CYP39A1: variants seen among roughly 807,000 people sequenced by gnomAD.
CYP39A1 encodes 24-hydroxycholesterol 7-alpha-hydroxylase.
CYP39A1 carries 49 observed loss-of-function variants against 58.1 expected under a neutral mutation model. The ratio of observed to expected loss-of-function variants is 0.84; its 90% CI spans 0.67 to 1.07. The LOEUF is 1.07. CYP39A1 is among the 50% of genes least tolerant of loss of function. The probability of loss-of-function intolerance (pLI) is 0.00; values close to 1 mark genes in which losing one functional copy is unlikely to be tolerated. For synonymous variants in CYP39A1, 209 were observed against 187.6 expected (o/e 1.11, Z -0.93); for missense variants, 531 against 539.4 (o/e 0.98, Z 0.16).
intron 10 of CYP39A1, among the ~76,000 whole-genome samples, chr6:46,567,987 AT>A (rs1057001059): frequency 3.1e-4 from 45 of 146,024 alleles, no homozygotes; most frequent in East Asian, 6.0e-4. Flanking sequence ...CTTATAAGAC[AT>A]TTTTTTTTAA....
At chr6:46,647,456 T>C (rs534870269) in intron 1 of CYP39A1, among the ~76,000 whole-genome samples, 75 of 152,314 alleles carry the variant, frequency 4.9e-4, no homozygotes, top group Non-Finnish European at 8.7e-4. Flanking sequence ...GCAGAAGTTG[T>C]CTAATTTACC....
At chr6:46,577,512 G>C (rs1445585925) in intron 10 of CYP39A1, among the ~76,000 whole-genome samples, 2 of 152,088 alleles carry the variant, frequency 1.3e-5, no homozygotes, top group Non-Finnish European at 2.9e-5. Context: ...AGACCCAACT[G>C]TATTCTGTCT....
chr6:46,564,636 G>A (rs1194146188), intron 10 of CYP39A1, among the ~76,000 whole-genome samples: 1 of 152,130 alleles, frequency 6.6e-6, no homozygotes, highest in African/African-American at 2.4e-5. Flanking sequence ...GCTAGTATTG[G>A]GGAAAATTGA....
intron 10 of CYP39A1, among the ~76,000 whole-genome samples, chr6:46,560,670 GT>G (rs1770926331): frequency 6.6e-6 from 1 of 152,096 alleles, no homozygotes; most frequent in African/African-American, 2.4e-5. Context: ...TTCATTCAGG[GT>G]CAGAGATAGA....
chr6:46,598,339 C>A (rs1007360377), intron 7 of CYP39A1, among the ~76,000 whole-genome samples: 1 of 152,096 alleles, frequency 6.6e-6, no homozygotes, highest in African/African-American at 2.4e-5. Context: ...CAGATTATTT[C>A]CAAGGCAATC....
intron 10 of CYP39A1, among the ~76,000 whole-genome samples, chr6:46,554,679 ACT>A: frequency 6.6e-6 from 1 of 152,102 alleles, no homozygotes; most frequent in Non-Finnish European, 1.5e-5. Flanking sequence ...GTTGTTTTGA[ACT>A]CTCTGCAGGA....
At chr6:46,603,372 G>A (rs1456232084) in intron 7 of CYP39A1, among the ~76,000 whole-genome samples, 1 of 152,210 alleles carries the variant, frequency 6.6e-6, no homozygotes, top group African/African-American at 2.4e-5. Context: ...ACCATTTTCT[G>A]TGGGCTAGAT....
At chr6:46,586,506 T>C in intron 10 of CYP39A1, 1 of 984,934 alleles carries the variant, frequency 1.0e-6, no homozygotes, top group Non-Finnish European at 1.2e-6. Flanking sequence ...CTTGAACAAA[T>C]AAAGATAACA....
chr6:46,610,400 G>A (rs977028283), intron 7 of CYP39A1, among the ~76,000 whole-genome samples: 1 of 152,002 alleles, frequency 6.6e-6, no homozygotes, highest in African/African-American at 2.4e-5. Flanking sequence ...GGAGTGCAGT[G>A]GCACTATCAT....
At chr6:46,641,170 T>C (rs915547679) in intron 2 of CYP39A1, among the ~76,000 whole-genome samples, 1 of 152,062 alleles carries the variant, frequency 6.6e-6, no homozygotes, top group Non-Finnish European at 1.5e-5. Flanking sequence ...AACTCAATCA[T>C]TTCCATACAC....
chr6:46,648,983 A>T (rs553218599), intron 1 of CYP39A1, among the ~76,000 whole-genome samples: 1 of 152,342 alleles, frequency 6.6e-6, no homozygotes, highest in East Asian at 1.9e-4. Flanking sequence ...AGACTGATAT[A>T]ACCAGGCAGT....
intron 7 of CYP39A1, among the ~76,000 whole-genome samples, chr6:46,621,629 T>C (rs1774963646): frequency 6.6e-6 from 1 of 151,988 alleles, no homozygotes; most frequent in Non-Finnish European, 1.5e-5. Context: ...AAATAGATAA[T>C]CTAAATAGAC....
intron 7 of CYP39A1, among the ~76,000 whole-genome samples, chr6:46,616,954 G>A (rs1316242519): frequency 6.6e-6 from 1 of 152,110 alleles, no homozygotes; most frequent in Non-Finnish European, 1.5e-5. Flanking sequence ...AGAGATTGGC[G>A]ATCGATCAAT....
chr6:46,632,684 A>G (rs1775734020), intron 5 of CYP39A1, among the ~76,000 whole-genome samples: 1 of 151,902 alleles, frequency 6.6e-6, no homozygotes, highest in African/African-American at 2.4e-5. Flanking sequence ...ACCATTATGC[A>G]TATGAGGAAA....
intron 8 of CYP39A1, among the ~76,000 whole-genome samples, chr6:46,589,797 G>A (rs772625835): frequency 6.6e-6 from 1 of 152,124 alleles, no homozygotes; most frequent in South Asian, 2.1e-4. Context: ...AGGGTTGGGG[G>A]CAGCACAGGG....
At chr6:46,617,819 G>A (rs1774703638) in intron 7 of CYP39A1, among the ~76,000 whole-genome samples, 2 of 152,094 alleles carry the variant, frequency 1.3e-5, no homozygotes, top group South Asian at 4.1e-4. Context: ...ACTTAAAATA[G>A]GGCCTGCTAC....
rs191390251 is a variant in CYP39A1 at position 46,647,679 on chromosome 6, C to T, written c.177+4727G>A. ...TTGAATATTTTTGCAAAATATCGAA[C>T]TTCAGCCTAGTACACTTTGGGACAC... On this transcript the variant is annotated intron_variant, in intron 1 of 11. Transcript: ENST00000275016. 7.2e-5 allele frequency among the ~76,000 whole-genome samples: 11 copies of T among 152,274 alleles called. No homozygotes were observed. The East Asian group carries it at 1.3e-3, about 19-fold the overall frequency.
At chr6:46,556,780 A>G (rs571921793) in intron 10 of CYP39A1, among the ~76,000 whole-genome samples, 3 of 152,306 alleles carry the variant, frequency 2.0e-5, no homozygotes, top group African/African-American at 7.2e-5. Flanking sequence ...CTAAACTAAA[A>G]GAATACAACA....
chr6:46,573,259 G>A (rs1771686166), intron 10 of CYP39A1, among the ~76,000 whole-genome samples: 1 of 152,056 alleles, frequency 6.6e-6, no homozygotes, highest in African/African-American at 2.4e-5. Flanking sequence ...GTGCATTTGA[G>A]GTAGCAGTCA....
Sources: gnomAD v4.1 joint callset for allele counts (sites outside exome capture counted in the v4.1 genomes callset) on GRCh38, gnomAD v4.1.1 for gene constraint, MANE v1.5 for transcripts, NCBI Gene and HGNC (gene_info 2026-07-23, HGNC 2026-07-21) for gene names.